Variants in NUP155 observed in about 807,000 individuals in gnomAD.
The protein encoded by NUP155 is nucleoporin 155, also known as nuclear pore complex protein Nup155.
NUP155 carries 71 observed loss-of-function variants against 180.4 expected under a neutral mutation model. The observed-to-expected ratio is 0.39, with a 90% CI of 0.33 to 0.48. The LOEUF is 0.48. Ranked by LOEUF, NUP155 falls within the 20% of genes least tolerant of loss-of-function variation. NUP155 has a pLI of 0.91. For missense variants in NUP155, 1,553 were observed against 1,648.9 expected (o/e 0.94, Z 1.01); for synonymous variants, 582 against 559.5 (o/e 1.04, Z -0.57).
At chr5:37,349,883 C>T (rs1163567026) in intron 7 of NUP155, among the ~76,000 whole-genome samples, 1 of 152,140 alleles carries the variant, frequency 6.6e-6, no homozygotes, top group Non-Finnish European at 1.5e-5. Context: ...GTCTCTCTCA[C>T]ATACATACAC....
chr5:37,325,973 A>C lies in NUP155; in HGVS notation c.2025-6T>G. On this transcript the variant is annotated splice_region_variant and splice_polypyrimidine_tract_variant and intron_variant, in intron 18 of 34. Transcript: ENST00000231498. ...AGCTTGCATCCCAAATGTTTCTGGA[A>C]AAAAAAAAGTTTTAATGATTGTGCT... 2 of 1,599,734 alleles carry C rather than the reference A, an allele frequency of 1.3e-6. No individual in the cohort carries two copies. The highest frequency in any genetic ancestry group is 2.7e-5 in the African/African-American group (2 of 74,554).
intron 32 of NUP155, among the ~76,000 whole-genome samples, chr5:37,295,646 G>A (rs1248682587): frequency 1.4e-5 from 2 of 147,198 alleles, no homozygotes; most frequent in African/African-American, 2.5e-5. Context: ...AGTGAGGAGC[G>A]TCTCTGCCCG....
chr5:37,321,551 T>C (rs1327222664), intron 20 of NUP155, among the ~76,000 whole-genome samples: 2 of 151,958 alleles, frequency 1.3e-5, no homozygotes, highest in African/African-American at 4.8e-5. Flanking sequence ...ACCCCATCTC[T>C]ACTAAAAATA....
At chr5:37,345,093 G>T (rs570654153) in intron 9 of NUP155, among the ~76,000 whole-genome samples, 1 of 151,840 alleles carries the variant, frequency 6.6e-6, no homozygotes, top group South Asian at 2.1e-4. Context: ...TAAAGTTGGT[G>T]GATCACCTGA....
intron 1 of NUP155, among the ~76,000 whole-genome samples, chr5:37,365,754 C>A (rs217849): frequency 8.2e-5 from 2 of 24,346 alleles, no homozygotes; most frequent in African/African-American, 1.1e-4. Context: ...TATATATATA[C>A]ACACACACAC....
At chr5:37,297,162 T>C (rs553400094) in intron 32 of NUP155, among the ~76,000 whole-genome samples, 2 of 152,280 alleles carry the variant, frequency 1.3e-5, no homozygotes, top group South Asian at 2.1e-4. Context: ...GCTAGGACTA[T>C]AGGCACGTGC....
At chr5:37,361,392 A>G (rs1224452867) in intron 3 of NUP155, among the ~76,000 whole-genome samples, 2 of 152,172 alleles carry the variant, frequency 1.3e-5, no homozygotes, top group African/African-American at 4.8e-5. Flanking sequence ...TAAGAAGCTC[A>G]GAGAACAAGA....
chr5:37,324,502 T>C (rs1271074209), intron 19 of NUP155, among the ~76,000 whole-genome samples: 1 of 152,132 alleles, frequency 6.6e-6, no homozygotes, highest in Non-Finnish European at 1.5e-5. Context: ...GACTTCCATA[T>C]ATATATATGG....
intron 3 of NUP155, among the ~76,000 whole-genome samples, chr5:37,361,306 G>A: frequency 1.4e-5 from 2 of 144,146 alleles, no homozygotes; most frequent in Admixed American, 6.9e-5. Flanking sequence ...GAACAGAAAA[G>A]GAGAGAGAGA....
At chr5:37,370,789 T>C (rs987106550) in intron 1 of NUP155, 32 bp downstream of exon 1, 8 of 1,614,034 alleles carry the variant, frequency 5.0e-6, no homozygotes, top group South Asian at 2.2e-5. Flanking sequence ...GAGAGTCCTT[T>C]AGGTTGAGAA....
At position 37,341,100 on chromosome 5, in the gene NUP155, A is replaced by C; in HGVS notation, c.1236T>G (p.Leu412=). ...TATTTCAGAACTTACCTTTACTATA[A>C]AGAGCTCTATGTACTTTTGAAGGCT... The part of the protein sequence containing the change: ...VEKPSKVHRA[L]YSKGILLMAA... Residue 412 remains leucine, a synonymous_variant, in exon 11 of 35, where the codon CTT becomes CTG. Transcript: ENST00000231498. The C allele has an allele frequency of 1.2e-6, 2 of 1,611,406 alleles. No individual in the cohort carries two copies. The highest frequency in any genetic ancestry group is 1.7e-6 in the Non-Finnish European group (2 of 1,177,588).
At chr5:37,335,147 G>A (rs1382389173) in intron 12 of NUP155, among the ~76,000 whole-genome samples, 1 of 135,658 alleles carries the variant, frequency 7.4e-6, no homozygotes, top group Non-Finnish European at 1.5e-5. Context: ...GACAGAACAA[G>A]ACTCTGTCAC....
chr5:37,349,606 T>C (rs375581599), intron 7 of NUP155, among the ~76,000 whole-genome samples: 13 of 152,196 alleles, frequency 8.5e-5, no homozygotes, highest in African/African-American at 3.1e-4. Context: ...AATGAATGTT[T>C]ACTACATCCT....
intron 1 of NUP155, among the ~76,000 whole-genome samples, chr5:37,367,119 C>A (rs72736787): frequency 0.029 from 4,439 of 151,804 alleles, 96 homozygotes; most frequent in Middle Eastern, 0.099. Flanking sequence ...AATCACAGCT[C>A]AGGGCAACCT....
intron 21 of NUP155, among the ~76,000 whole-genome samples, chr5:37,316,062 TA>T (rs1281913262): frequency 6.6e-6 from 1 of 152,236 alleles, no homozygotes; most frequent in African/African-American, 2.4e-5. Flanking sequence ...CTTCTGGGTA[TA>T]TACCCAAAAG....
intron 22 of NUP155, among the ~76,000 whole-genome samples, chr5:37,311,848 G>A (rs779200311): frequency 6.6e-6 from 1 of 151,766 alleles, no homozygotes; most frequent in East Asian, 1.9e-4. Flanking sequence ...GGCGAAACCC[G>A]GTCTCTTACT....
At position 37,350,200 on chromosome 5, in the gene NUP155, G is replaced by A; in HGVS notation, c.789C>T (p.Phe263=). The A allele has an allele frequency of 6.2e-7, 1 of 1,613,872 alleles. No homozygotes were observed. The highest frequency in any genetic ancestry group is 8.5e-7 in the Non-Finnish European group (1 of 1,179,878). The change falls in exon 7 of 35, where the codon TTC becomes TTT. Residue 263 remains phenylalanine (F), a synonymous_variant. Coordinates refer to ENST00000231498, the MANE Select transcript of NUP155 (RefSeq NM_153485.3). The stretch of plus-strand genomic sequence containing the variant: ...TGAATTGTAGCAAGGAAGGAACAAG[G>A]AAAGAAAGTGAGCTCTTTGAGTGGT... ...KINHSKSSLS[F]LVPSLLQFTF...
chr5:37,304,640 G>T, intron 27 of NUP155, 99 bp downstream of exon 27: 1 of 848,786 alleles, frequency 1.2e-6, no homozygotes, highest in Non-Finnish European at 2.0e-6. Context: ...AGCAGGCATG[G>T]GATGAGAAAC....
chr5:37,365,792 CAG>C (rs1280893730), intron 1 of NUP155, among the ~76,000 whole-genome samples: 12 of 133,394 alleles, frequency 9.0e-5, no homozygotes, highest in African/African-American at 1.6e-4. Flanking sequence ...CACACACACA[CAG>C]ACGCCTACTA....
Sources: allele counts gnomAD v4.1 joint callset (sites outside exome capture counted in the v4.1 genomes callset), GRCh38; gene constraint gnomAD v4.1.1; transcripts MANE v1.5; gene names NCBI Gene and HGNC (gene_info 2026-07-23, HGNC 2026-07-21).